TTC21B: variants seen among roughly 807,000 people sequenced by gnomAD.
The protein encoded by TTC21B is tetratricopeptide repeat protein 21B.
In TTC21B, 127 loss-of-function variants were observed where a neutral mutation model predicts 175.1. The observed-to-expected ratio is 0.73, with a 90% CI of 0.63 to 0.84. The LOEUF is 0.84. Ranked by LOEUF, TTC21B falls within the 40% of genes least tolerant of loss-of-function variation. The pLI, the probability that TTC21B is intolerant of heterozygous loss-of-function variation, is 0.00. For missense variants in TTC21B, 1,561 were observed against 1,558.3 expected, an observed-to-expected ratio of 1.00 and a Z score of -0.03; for synonymous variants, 524 against 524.5, an observed-to-expected ratio of 1.00 and a Z score of 0.01.
At chr2:165,929,835 C>T (rs1686819544) in intron 9 of TTC21B, 88 bp from the exon 10 acceptor site, 2 of 872,046 alleles carry the variant, frequency 2.3e-6, no homozygotes, top group East Asian at 4.9e-5. Context: ...TAATAAAACA[C>T]CCTTTCCCCC....
intron 12 of TTC21B, among the ~76,000 whole-genome samples, chr2:165,921,714 G>C (rs957089636): frequency 6.6e-6 from 1 of 150,990 alleles, no homozygotes; most frequent in Non-Finnish European, 1.5e-5. Flanking sequence ...AGTCATTGCA[G>C]TTGGCAATTT....
intron 18 of TTC21B, among the ~76,000 whole-genome samples, chr2:165,911,047 T>C (rs1159424359): frequency 6.6e-6 from 1 of 152,158 alleles, no homozygotes; most frequent in African/African-American, 2.4e-5. Flanking sequence ...AAAATGCTAA[T>C]GTGTTTAAAT....
At position 165,919,361 on chromosome 2, in the gene TTC21B, A is replaced by G. The variant is rs768319145; in HGVS notation, c.1589T>C (p.Leu530Pro). The G allele has an allele frequency of 6.2e-7, 1 of 1,613,976 alleles. No individual in the cohort carries two copies. Among genetic ancestry groups the G allele is most frequent in the East Asian group, 2.2e-5 (1 of 44,874 alleles). The change falls in exon 13 of 29, where the codon CTG becomes CCG. Residue 530 changes from leucine (L) to proline (P), a missense_variant. Coordinates refer to ENST00000243344, the MANE Select transcript of TTC21B (RefSeq NM_024753.5). The stretch of plus-strand genomic sequence containing the variant: ...AGACAAGTAAACCTGAGCTAGCAGC[A>G]GATGAGCATCAGCATAAGAGGGATT... ...EHNPSYADAH[L>P]LLAQVYLSQE...
intron 16 of TTC21B, among the ~76,000 whole-genome samples, chr2:165,913,119 A>C (rs1038800459): frequency 6.6e-6 from 1 of 151,982 alleles, no homozygotes; most frequent in African/African-American, 2.4e-5. Context: ...GCTCACTGCA[A>C]ACTCCACCTC....
chr2:165,917,344 T>G lies in TTC21B; in HGVS notation c.1812A>C (p.Ser604=). 6.2e-7 allele frequency: 1 copy of G among 1,614,234 alleles called. No homozygotes were observed. The highest frequency in any genetic ancestry group is 8.5e-7 in the Non-Finnish European group (1 of 1,180,042). ...TATCAACTTCAGTTTTTCTGTCTTT[T>G]GATTTTGTGGAAGCTCCAATTCTTT... The part of the protein sequence containing the change: ...GMKRIGASTK[S]KDRKTEVDTS... Residue 604 remains serine, a synonymous_variant, in exon 14 of 29, where the codon TCA becomes TCC. Coordinates refer to ENST00000243344, the MANE Select transcript of TTC21B (RefSeq NM_024753.5).
intron 6 of TTC21B, among the ~76,000 whole-genome samples, chr2:165,934,309 A>G (rs1349368236): frequency 6.6e-6 from 1 of 151,822 alleles, no homozygotes; most frequent in Non-Finnish European, 1.5e-5. Flanking sequence ...AAACTGTTAT[A>G]AGAGAAACAC....
In TTC21B at chr2:165,949,494, TTGAG is replaced by T. The variant is rs1486663478; in HGVS notation, c.158_161del (p.Thr53LysfsTer24). ...TAGCCTCAAATTCTCGAAGAGCTTC[TTGAG>T]TTTTACCTGAAAATCAAGATTATGA... On this transcript the variant is annotated frameshift_variant, in exon 3 of 29. Coordinates refer to ENST00000243344, the MANE Select transcript of TTC21B (RefSeq NM_024753.5). LOFTEE classifies it high-confidence loss of function. The T allele has an allele frequency of 2.5e-6, 4 of 1,613,878 alleles. No homozygotes were observed. The highest frequency in any genetic ancestry group is 1.1e-5 in the South Asian group (1 of 91,068).
chr2:165,897,310 A>G lies in TTC21B; in HGVS notation c.2950+1376T>C, dbSNP rs375047564. ...TATGTGGAAGATGGCAATGCCTTAG[A>G]CCAGGGTGGCACTAACAGAGGTGGT... On this transcript the variant is annotated intron_variant, in intron 22 of 28. Coordinates refer to ENST00000243344, the MANE Select transcript of TTC21B (RefSeq NM_024753.5). 3.4e-4 allele frequency among the ~76,000 whole-genome samples: 52 copies of G among 152,280 alleles called. 1 individual carries two copies. The highest frequency in any genetic ancestry group is 1.2e-3 in the African/African-American group (49 of 41,558).
intron 5 of TTC21B, among the ~76,000 whole-genome samples, chr2:165,942,173 A>T (rs1490906086): frequency 6.6e-6 from 1 of 152,194 alleles, no homozygotes; most frequent in Non-Finnish European, 1.5e-5. Flanking sequence ...CTGTCCACAC[A>T]AAGTGACAGG....
At chr2:165,951,945 T>C (rs753596560) in intron 1 of TTC21B, among the ~76,000 whole-genome samples, 1 of 151,978 alleles carries the variant, frequency 6.6e-6, no homozygotes, top group Non-Finnish European at 1.5e-5. Context: ...TTGGGGAGGA[T>C]TTCAGAGCTG....
At chr2:165,932,887 G>T in intron 7 of TTC21B, 86 bp downstream of exon 7, 1 of 1,158,092 alleles carries the variant, frequency 8.6e-7, no homozygotes, top group Non-Finnish European at 1.3e-6. Flanking sequence ...AGGCTTTAAT[G>T]TATATGCACA....
chr2:165,946,880 T>C (rs569901631), intron 3 of TTC21B, among the ~76,000 whole-genome samples: 2 of 152,112 alleles, frequency 1.3e-5, no homozygotes, highest in African/African-American at 4.8e-5. Context: ...GTTTACATCA[T>C]TCCCAAAATA....
Position 165,883,795 on chromosome 2 carries a change from C to T in TTC21B, c.3683G>A (p.Arg1228Lys). 2 of 1,611,884 alleles carry T rather than the reference C, an allele frequency of 1.2e-6. No individual in the cohort carries two copies. The highest frequency in any genetic ancestry group is 1.7e-4 in the Middle Eastern group (1 of 6,052). ...ATTTTTTACTCTTCAATCACCTACT[C>T]TATTATGACGCAGGCACCGTTTTAA... Reference protein sequence around the residue: ...DLLKRCLRHNRSCCKAYEYMG... With the variant: ...DLLKRCLRHNKSCCKAYEYMG... Residue 1228 changes from arginine to lysine, a missense_variant and splice_region_variant, in exon 26 of 29, where the codon AGA becomes AAA. Arg to Lys is a conservative substitution (Grantham distance 26). Transcript: ENST00000243344.
Position 165,929,159 on chromosome 2 carries a change from C to T in TTC21B, c.1362G>A (p.Glu454=), listed in dbSNP as rs1245323248. The T allele has an allele frequency of 1.9e-6, 3 of 1,612,716 alleles. No individual in the cohort carries two copies. The Admixed American group carries it at 5.0e-5, about 27-fold the overall frequency. ...NPDFLLEIVM[E]YLSFCPMQPA... is the part of the protein sequence containing the mutation. ...CCTGCATTGGACAGAAGCTCAGATA[C>T]TCCATAACAATTTCTAACAAGAAAT... Residue 454 remains glutamate, a synonymous_variant, in exon 11 of 29, where the codon GAG becomes GAA. Transcript: ENST00000243344.
In TTC21B at chr2:165,929,518, AT is replaced by A. The variant is rs1297039908; in HGVS notation, c.1185+131del. ...AAAGTTTAGTTTTGAATGGAGGTAA[AT>A]AAATGCAATTACATATTAAAATTAG... On this transcript the variant is annotated intron_variant, in intron 10 of 28. Coordinates refer to ENST00000243344, the MANE Select transcript of TTC21B (RefSeq NM_024753.5). 9.1e-6 allele frequency: 8 copies of A among 877,738 alleles called. No individual in the cohort carries two copies. The East Asian group carries it at 1.9e-4, about 20-fold the overall frequency. The allele number at this position is 877,738 out of a possible 1,614,324, so 54.4% of individuals were successfully genotyped here.
chr2:165,883,504 A>G (rs1304626101), intron 26 of TTC21B, among the ~76,000 whole-genome samples: 2 of 152,200 alleles, frequency 1.3e-5, no homozygotes, highest in African/African-American at 4.8e-5. Flanking sequence ...CTGGGATGAG[A>G]TGGATAATCA....
chr2:165,903,723 T>C (rs1433961535), intron 19 of TTC21B, among the ~76,000 whole-genome samples: 1 of 152,212 alleles, frequency 6.6e-6, no homozygotes, highest in Non-Finnish European at 1.5e-5. Context: ...ACCATTTCCG[T>C]CATTGCCAAA....
intron 25 of TTC21B, among the ~76,000 whole-genome samples, chr2:165,885,297 C>A (rs1684968767): frequency 1.3e-5 from 2 of 152,136 alleles, no homozygotes; most frequent in Non-Finnish European, 2.9e-5. Flanking sequence ...CAATGTCCAA[C>A]TGATCTTTGG....
chr2:165,929,695 C>A lies in TTC21B; in HGVS notation c.1140G>T (p.Gln380His). ...IEGQLQDADQ[Q>H]LEFLNEIQQS... ...GCTGGATTTCATTTAAAAATTCTAG[C>A]TGCTGATCTGCATCCTGTAATTGCC... The change falls in exon 10 of 29, where the codon CAG (glutamine) becomes CAT (histidine). Residue 380 changes from glutamine (Q) to histidine (H), a missense_variant. Gln to His is a conservative substitution (Grantham distance 24). Transcript: ENST00000243344. 6.2e-7 allele frequency: 1 copy of A among 1,612,874 alleles called. No individual in the cohort carries two copies. Among genetic ancestry groups the A allele is most frequent in the Non-Finnish European group, 8.5e-7 (1 of 1,179,274 alleles).
Sources: gnomAD v4.1 joint callset for allele counts (sites outside exome capture counted in the v4.1 genomes callset) on GRCh38, gnomAD v4.1.1 for gene constraint, MANE v1.5 for transcripts, NCBI Gene and HGNC (gene_info 2026-07-23, HGNC 2026-07-21) for gene names.